Variants in ZPBP observed in about 807,000 individuals in gnomAD.
The protein encoded by ZPBP is zona pellucida-binding protein 1.
Under a neutral mutation model 44.8 loss-of-function variants are expected in ZPBP, and 26 were observed. That is an observed-to-expected ratio of 0.58 (90% CI 0.43 to 0.81). The LOEUF (loss-of-function observed/expected upper bound fraction) is 0.81. Ranked by LOEUF, ZPBP falls within the 30% of genes least tolerant of loss-of-function variation. The pLI is 0.00. For synonymous variants in ZPBP, 174 were observed against 153.2 expected (o/e 1.14, Z -1.00); for missense variants, 409 against 434.0 (o/e 0.94, Z 0.51).
intron 2 of ZPBP, among the ~76,000 whole-genome samples, chr7:49,869,784 G>T (rs113200274): frequency 0.029 from 4,451 of 151,986 alleles, 178 homozygotes; most frequent in South Asian, 0.13. Context: ...GGATGTGCAC[G>T]GCCACAAACT....
At chr7:50,083,079 T>G (rs1435806984) in intron 2 of ZPBP, among the ~76,000 whole-genome samples, 1 of 151,904 alleles carries the variant, frequency 6.6e-6, no homozygotes, top group East Asian at 1.9e-4. Flanking sequence ...AGACTCAGCA[T>G]AAGTATATCC....
At chr7:49,843,552 A>G in the ZPBP span, among the ~76,000 whole-genome samples, 2 of 152,220 alleles carry the variant, frequency 1.3e-5, no homozygotes, top group Non-Finnish European at 2.9e-5. Flanking sequence ...AACAAACACC[A>G]AACAAAAAAC....
chr7:50,062,904 A>C (rs961687043), intron 3 of ZPBP, among the ~76,000 whole-genome samples: 1 of 150,198 alleles, frequency 6.7e-6, no homozygotes, highest in South Asian at 2.1e-4. Flanking sequence ...GAGGATATTT[A>C]TTATTTAGGT....
chr7:49,945,485 C>G (rs970606281), intron 7 of ZPBP, among the ~76,000 whole-genome samples: 6 of 152,090 alleles, frequency 3.9e-5, no homozygotes, highest in African/African-American at 1.4e-4. Flanking sequence ...AGGGGTCTCT[C>G]TCTTTAGCTC....
intron 6 of ZPBP, among the ~76,000 whole-genome samples, chr7:50,013,370 A>G (rs1466593966): frequency 4.6e-5 from 7 of 152,022 alleles, no homozygotes; most frequent in Admixed American, 4.6e-4. Context: ...CTCATGAAGG[A>G]GACCACCATG....
chr7:49,865,745 A>G (rs898953420), intron 2 of ZPBP, among the ~76,000 whole-genome samples: 2 of 152,210 alleles, frequency 1.3e-5, no homozygotes, highest in Admixed American at 6.5e-5. Context: ...GAGGTCTATT[A>G]TGGTAACAAG....
At chr7:49,895,292 G>A (rs1223016289) in intron 2 of ZPBP, among the ~76,000 whole-genome samples, 1 of 152,090 alleles carries the variant, frequency 6.6e-6, no homozygotes, top group Non-Finnish European at 1.5e-5. Flanking sequence ...CTGCCCTCAT[G>A]ACTTAATCAC....
intron 3 of ZPBP, among the ~76,000 whole-genome samples, chr7:50,079,273 C>A (rs1802252630): frequency 6.6e-6 from 1 of 151,484 alleles, no homozygotes; most frequent in Non-Finnish European, 1.5e-5. Flanking sequence ...GTACCTTATT[C>A]TCTTAATGCT....
intron 4 of ZPBP, among the ~76,000 whole-genome samples, chr7:50,053,601 T>C (rs1038448011): frequency 1.3e-5 from 2 of 152,210 alleles, no homozygotes; most frequent in African/African-American, 4.8e-5. Context: ...CTTTTGAATT[T>C]TTGTTAATAT....
chr7:50,020,546 T>C (rs1799041942), intron 5 of ZPBP, among the ~76,000 whole-genome samples: 1 of 152,094 alleles, frequency 6.6e-6, no homozygotes, highest in Non-Finnish European at 1.5e-5. Context: ...GTTTTCTGCA[T>C]CAGCTATCTC....
intron 6 of ZPBP, among the ~76,000 whole-genome samples, chr7:50,002,306 G>A (rs527440433): frequency 2.0e-5 from 3 of 151,984 alleles, no homozygotes; most frequent in East Asian, 1.9e-4. Flanking sequence ...GGGAAATACC[G>A]CCCCCATGAT....
chr7:49,985,649 A>C (rs1797235659), intron 6 of ZPBP, among the ~76,000 whole-genome samples: 1 of 144,076 alleles, frequency 6.9e-6, no homozygotes, highest in Non-Finnish European at 1.6e-5. Context: ...TGCAAAAAAA[A>C]AAAAAAAAAA....
At chr7:50,053,280 T>G (rs966584195) in intron 4 of ZPBP, among the ~76,000 whole-genome samples, 3 of 152,208 alleles carry the variant, frequency 2.0e-5, no homozygotes, top group South Asian at 4.1e-4. Flanking sequence ...AAAACAGACC[T>G]AAGGTTTAAC....
chr7:50,011,588 T>C (rs1660568577), intron 6 of ZPBP, among the ~76,000 whole-genome samples: 1 of 152,194 alleles, frequency 6.6e-6, no homozygotes, highest in South Asian at 2.1e-4. Context: ...ATGTACATAA[T>C]ATATTCCGCA....
intron 2 of ZPBP, among the ~76,000 whole-genome samples, chr7:50,083,466 C>A (rs1212315216): frequency 6.6e-6 from 1 of 151,782 alleles, no homozygotes; most frequent in Non-Finnish European, 1.5e-5. Context: ...TAAGCAAAAT[C>A]CCAGAAGAAA....
Position 50,081,821 on chromosome 7 carries a change from A to T in ZPBP, c.287T>A (p.Ile96Lys), listed in dbSNP as rs746792066. ...VTQQLRNAEL[I>K]DPSFQWYGPK... ...CCCATACCATTGGAATGATGGGTCT[A>T]TCAGTTCAGCATTTCGCAGTTGTTG... Residue 96 changes from isoleucine to lysine, a missense_variant, in exon 3 of 8, where the codon ATA becomes AAA. Physicochemically the swap from Ile to Lys is moderately radical, Grantham distance 102. Transcript: ENST00000046087. 6 of 1,611,692 alleles carry T rather than the reference A, an allele frequency of 3.7e-6. No individual in the cohort carries two copies. The highest frequency in any genetic ancestry group is 5.1e-6 in the Non-Finnish European group (6 of 1,178,358).
intron 2 of ZPBP, among the ~76,000 whole-genome samples, chr7:49,868,141 A>G (rs1790991378): frequency 6.6e-6 from 1 of 152,040 alleles, no homozygotes; most frequent in Non-Finnish European, 1.5e-5. Flanking sequence ...TCCAAGGAAA[A>G]TTACATTATA....
intron 3 of ZPBP, among the ~76,000 whole-genome samples, chr7:50,076,575 T>A (rs4304289): frequency 7.3e-5 from 11 of 151,510 alleles, no homozygotes; most frequent in Non-Finnish European, 1.5e-5. Flanking sequence ...AGGATCAACA[T>A]ACAAAAATCA....
chr7:49,848,437 AC>A (rs1161026196), downstream of ZPBP, among the ~76,000 whole-genome samples: 6 of 152,214 alleles, frequency 3.9e-5, no homozygotes, highest in African/African-American at 1.4e-4. Flanking sequence ...GCATCCCAGG[AC>A]ACATGGGATC....
Sources: allele counts gnomAD v4.1 joint callset (sites outside exome capture counted in the v4.1 genomes callset), GRCh38; gene constraint gnomAD v4.1.1; transcripts MANE v1.5; gene names NCBI Gene and HGNC (gene_info 2026-07-23, HGNC 2026-07-21).